The following KIF20B variants were observed in gnomAD, a reference collection of about 807,000 sequenced individuals.
The protein encoded by KIF20B is kinesin family member 20B.
In KIF20B, 188 loss-of-function variants were observed where a neutral mutation model predicts 232.5. The observed-to-expected ratio is 0.81, with a 90% confidence interval of 0.72 to 0.91. KIF20B has a LOEUF of 0.91. KIF20B is among the 40% of genes least tolerant of loss of function. The pLI is 0.00. For synonymous variants in KIF20B, 712 were observed against 683.0 expected (o/e 1.04, Z -0.66); for missense variants, 2,154 against 2,055.9 (o/e 1.05, Z -0.92).
intron 18 of KIF20B, 59 bp from the exon 19 acceptor site, chr10:89,732,844 A>G: frequency 7.2e-6 from 10 of 1,380,082 alleles, no homozygotes; most frequent in Non-Finnish European, 9.7e-6. Context: ...AATTTATGTG[A>G]TTTGTACATT....
intron 21 of KIF20B, among the ~76,000 whole-genome samples, chr10:89,740,004 T>C (rs780860665): frequency 1.3e-5 from 2 of 152,128 alleles, no homozygotes; most frequent in Non-Finnish European, 2.9e-5. Context: ...TTTTTGCCCA[T>C]AGCCATAATG....
chr10:89,739,947 G>T (rs565053044), intron 21 of KIF20B, among the ~76,000 whole-genome samples: 3 of 151,896 alleles, frequency 2.0e-5, no homozygotes, highest in Admixed American at 2.0e-4. Context: ...GTGACTTAGC[G>T]CAATTTATTT....
chr10:89,705,247 A>T (rs778001651), intron 1 of KIF20B, 47 bp from the exon 2 acceptor site: 18 of 1,572,554 alleles, frequency 1.1e-5, no homozygotes, highest in Middle Eastern at 1.7e-4. Flanking sequence ...GGTGGCTTAC[A>T]TGCTGACTTA....
At position 89,738,237 on chromosome 10, in the gene KIF20B, T is replaced by C; in HGVS notation, c.3396T>C (p.Asn1132=). ...QQLKEELQEK[N]VTLDVQIQHV... is the part of the protein sequence containing the mutation. ...TGAAAGAAGAATTGCAAGAAAAAAA[T>C]GTTACTCTTGATGTTCAAATACAGC... Residue 1132 remains asparagine, a synonymous_variant, in exon 20 of 33, where the codon AAT becomes AAC. Coordinates refer to ENST00000371728, the MANE Select transcript of KIF20B (RefSeq NM_001284259.2). The C allele has an allele frequency of 1.2e-6, 2 of 1,603,560 alleles. No homozygotes were observed. The highest frequency in any genetic ancestry group is 2.2e-5 in the East Asian group (1 of 44,740).
intron 13 of KIF20B, among the ~76,000 whole-genome samples, chr10:89,721,003 G>A (rs1843044226): frequency 6.6e-6 from 1 of 152,034 alleles, no homozygotes; most frequent in Non-Finnish European, 1.5e-5. Flanking sequence ...CACCTTACCT[G>A]GCCACCTATT....
At chr10:89,701,956 C>A (rs1842619501) in intron 1 of KIF20B, among the ~76,000 whole-genome samples, 1 of 152,150 alleles carries the variant, frequency 6.6e-6, no homozygotes, top group African/African-American at 2.4e-5. Context: ...CTCTCTGTAC[C>A]TTAGTTTTCT....
At chr10:89,743,698 A>G in intron 21 of KIF20B, 110 bp from the exon 22 acceptor site, 2 of 626,636 alleles carry the variant, frequency 3.2e-6, no homozygotes, top group Non-Finnish European at 2.6e-6. Context: ...TTTTTCTTTT[A>G]GGCTGTAAAG....
rs961113310 is a variant in KIF20B at position 89,724,046 on chromosome 10, G to A, written c.1805G>A (p.Arg602Gln). The change falls in exon 14 of 33, where the codon CGA becomes CAA. Residue 602 changes from arginine (R) to glutamine (Q), a missense_variant. Arg to Gln is a conservative substitution (Grantham distance 43, BLOSUM62 1). Coordinates refer to ENST00000371728, the MANE Select transcript of KIF20B (RefSeq NM_001284259.2). ...AAATTAACCTTGGAATTTAAAATTCGAGAAGAAGTTACACAGGAGTTTACT... is the reference window on the plus strand; with the variant it reads ...AAATTAACCTTGGAATTTAAAATTCAAGAAGAAGTTACACAGGAGTTTACT... ...KEKLTLEFKI[R>Q]EEVTQEFTQY... 6 of 1,576,968 alleles carry A rather than the reference G, an allele frequency of 3.8e-6. No homozygotes were observed. Among genetic ancestry groups the A allele is most frequent in the East Asian group, 2.3e-5 (1 of 43,330 alleles).
rs771456621 is a variant in KIF20B, at chr10:89,714,936, C to G, written c.713-19C>G. The G allele has an allele frequency of 7.2e-7, 1 of 1,395,036 alleles. No homozygotes were observed. The highest frequency in any genetic ancestry group is 2.3e-5 in the Admixed American group (1 of 42,924). 86.4% of individuals were successfully genotyped at this position (1,395,036 alleles called of 1,614,324 possible). ...TTGCTTACTTTCGTGATTGTTTTTT[C>G]TTTTTCTTTTTTTTGTAGGAAGTTT... On this transcript the variant is annotated intron_variant, in intron 7 of 32. Coordinates refer to ENST00000371728, the MANE Select transcript of KIF20B (RefSeq NM_001284259.2).
rs750640636 is a variant in KIF20B at position 89,717,678 on chromosome 10, T to C, written c.1227T>C (p.Thr409=). The C allele has an allele frequency of 5.0e-6, 8 of 1,608,860 alleles. No individual in the cohort carries two copies. Among genetic ancestry groups the C allele is most frequent in the Non-Finnish European group, 5.9e-6 (7 of 1,176,756 alleles). Residue 409 remains threonine (T), a synonymous_variant, in exon 11 of 33, where the codon ACT becomes ACC. Transcript: ENST00000371728. ...GGAATATCAACACTTCTTTATTGAC[T>C]CTGGGAAAGTGTATTAACGTCTTGA... ...ETGNINTSLL[T]LGKCINVLKN...
At chr10:89,738,668 T>A in intron 20 of KIF20B, 51 bp downstream of exon 20, 1 of 1,492,022 alleles carries the variant, frequency 6.7e-7, no homozygotes, top group Non-Finnish European at 8.9e-7. Context: ...GCATTCATTT[T>A]GCTATGCAGC....
intron 28 of KIF20B, 51 bp downstream of exon 28, chr10:89,760,687 AC>A (rs1564674670): frequency 9.6e-7 from 1 of 1,044,684 alleles, no homozygotes; most frequent in Non-Finnish European, 1.5e-6. Context: ...ATCCACTATT[AC>A]TAAATAACAC....
Position 89,760,428 on chromosome 10 carries a change from T to A in KIF20B, c.4681-98T>A. 4.1e-6 allele frequency: 3 copies of A among 740,252 alleles called. No homozygotes were observed. In the South Asian group the frequency reaches 5.3e-5, roughly 13 times the overall value. 45.9% of individuals were successfully genotyped at this position (740,252 alleles called of 1,614,324 possible). On this transcript the variant is annotated intron_variant, in intron 27 of 32. Transcript: ENST00000371728. ...TTACTTAGTAATTTCCATTGTTTAG[T>A]TTCATACAAATCTTGATTTTATATT... is the stretch of plus-strand genomic sequence containing the variant.
At chr10:89,713,913 TAAAG>T (rs1241203120) in intron 6 of KIF20B, 130 bp from the exon 7 acceptor site, 1 of 382,140 alleles carries the variant, frequency 2.6e-6, no homozygotes, top group Admixed American at 4.6e-5. Context: ...TAGGAAAAAT[TAAAG>T]AATTCATTGA....
chr10:89,707,715 G>C (rs888407140), intron 2 of KIF20B, among the ~76,000 whole-genome samples: 3 of 151,176 alleles, frequency 2.0e-5, no homozygotes, highest in Non-Finnish European at 4.4e-5. Flanking sequence ...AAGTGGGGAA[G>C]CAGAAATCCT....
intron 2 of KIF20B, among the ~76,000 whole-genome samples, chr10:89,707,423 A>C (rs772371044): frequency 2.6e-5 from 4 of 152,040 alleles, no homozygotes; most frequent in Non-Finnish European, 4.4e-5. Context: ...GCGTATGTTC[A>C]TGTTGTTTCT....
chr10:89,748,874 T>C (rs929652956), intron 23 of KIF20B, among the ~76,000 whole-genome samples: 8 of 152,338 alleles, frequency 5.3e-5, no homozygotes, highest in African/African-American at 1.7e-4. Context: ...TTCCACCTTT[T>C]CTATGCTTCT....
intron 6 of KIF20B, among the ~76,000 whole-genome samples, chr10:89,712,703 T>C (rs1001386440): frequency 3.3e-5 from 5 of 152,226 alleles, no homozygotes; most frequent in Non-Finnish European, 7.3e-5. Flanking sequence ...TGAGGAGGTA[T>C]TGTTTTATAT....
intron 31 of KIF20B, among the ~76,000 whole-genome samples, chr10:89,771,881 G>A (rs1157574419): frequency 6.6e-6 from 1 of 151,868 alleles, no homozygotes; most frequent in Non-Finnish European, 1.5e-5. Flanking sequence ...TTAGTCTCTC[G>A]CATATACTGT....
Sources: gnomAD v4.1 joint callset for allele counts (sites outside exome capture counted in the v4.1 genomes callset) on GRCh38, gnomAD v4.1.1 for gene constraint, MANE v1.5 for transcripts, NCBI Gene and HGNC (gene_info 2026-07-23, HGNC 2026-07-21) for gene names.